The following CFAP299 variants were observed in gnomAD, a reference collection of about 807,000 sequenced individuals.
The protein encoded by CFAP299 is cilia- and flagella-associated protein 299.
Under a neutral mutation model 27.0 loss-of-function variants are expected in CFAP299, and 21 were observed. That is an observed-to-expected ratio of 0.78 (90% CI 0.55 to 1.12). The LOEUF is 1.12. Ranked by LOEUF, CFAP299 falls within the 50% of genes most tolerant of loss-of-function variation. CFAP299 has a pLI of 0.00. For missense variants in CFAP299, 310 were observed against 276.6 expected, an observed-to-expected ratio of 1.12 and a Z score of -0.86; for synonymous variants, 104 against 98.1, an observed-to-expected ratio of 1.06 and a Z score of -0.36.
chr4:80,824,174 T>A (rs529515114), intron 3 of CFAP299, among the ~76,000 whole-genome samples: 39 of 152,294 alleles, frequency 2.6e-4, no homozygotes, highest in Admixed American at 9.8e-4. Context: ...CAGATTGGTT[T>A]TGTATGAATA....
intron 2 of CFAP299, among the ~76,000 whole-genome samples, chr4:80,459,693 T>C (rs1729345406): frequency 6.6e-6 from 1 of 152,196 alleles, no homozygotes; most frequent in Admixed American, 6.5e-5. Flanking sequence ...AACTGATTTT[T>C]ACCATCAGCT....
intron 3 of CFAP299, among the ~76,000 whole-genome samples, chr4:80,663,689 T>G (rs973022032): frequency 1.1e-4 from 17 of 152,218 alleles, no homozygotes; most frequent in Admixed American, 1.0e-3. Context: ...GTTCTGGTTC[T>G]AGATCCTTGA....
At chr4:80,745,090 C>A (rs1342181525) in intron 3 of CFAP299, among the ~76,000 whole-genome samples, 4 of 150,840 alleles carry the variant, frequency 2.7e-5, no homozygotes, top group African/African-American at 4.9e-5. Flanking sequence ...GTTTCACACA[C>A]AAAAAATGAT....
At chr4:80,466,596 T>C (rs1334841328) in intron 2 of CFAP299, among the ~76,000 whole-genome samples, 1 of 152,190 alleles carries the variant, frequency 6.6e-6, no homozygotes, top group Non-Finnish European at 1.5e-5. Context: ...AAAATGGCCA[T>C]GGAAGCCTTC....
At position 80,799,814 on chromosome 4, in the gene CFAP299, T is replaced by TATATTTATATATTATATTATATA. The variant is rs1560417536; in HGVS notation, c.334-70175_334-70174insTTATATATTATATTATATAATAT. On this transcript the variant is annotated intron_variant, in intron 3 of 5. Coordinates refer to ENST00000358105, the MANE Select transcript of CFAP299 (RefSeq NM_152770.3). ...TATTATATTATATAATATATAAATA[T>TATATTTATATATTATATTATATA]ATATATTATATATATTTATATATTA... Among the ~76,000 whole-genome samples the TATATTTATATATTATATTATATA allele has an allele frequency of 1.7e-3, 65 of 38,932 alleles. 1 individual carries two copies. The highest frequency in any genetic ancestry group is 7.6e-3 in the African/African-American group (64 of 8,394). The allele number at this position is 38,932 out of a possible 152,430, so 25.5% of individuals were successfully genotyped here. A position where few individuals can be genotyped will look rare whatever the true frequency, so the allele number is the denominator to read the frequency against.
intron 2 of CFAP299, among the ~76,000 whole-genome samples, chr4:80,502,751 C>T (rs1335377294): frequency 6.6e-6 from 1 of 152,072 alleles, no homozygotes; most frequent in Non-Finnish European, 1.5e-5. Context: ...TCGTCCACTT[C>T]TTTGTCTTTC....
chr4:80,415,102 G>T lies in CFAP299; in HGVS notation c.242+52218G>T, dbSNP rs1009053724. ...CTCCTAACAGAAGTCTAGTGGTTTTGCAATAAATATTTGCTAAATTAAGTC... is the reference window on the plus strand; with the variant it reads ...CTCCTAACAGAAGTCTAGTGGTTTTTCAATAAATATTTGCTAAATTAAGTC... On this transcript the variant is annotated intron_variant, in intron 2 of 5. Coordinates refer to ENST00000358105, the MANE Select transcript of CFAP299 (RefSeq NM_152770.3). Among the ~76,000 whole-genome samples, 5 of 152,238 alleles carry T rather than the reference G, an allele frequency of 3.3e-5. No individual in the cohort carries two copies. In the South Asian group the frequency reaches 8.3e-4, roughly 25 times the overall value.
intron 4 of CFAP299, chr4:80,871,536 G>C: frequency 4.1e-6 from 4 of 985,382 alleles, no homozygotes; most frequent in Non-Finnish European, 4.8e-6. Flanking sequence ...CCTGAAGCCT[G>C]CTATTGCTTC....
At chr4:80,594,326 T>C (rs1485425231) in intron 3 of CFAP299, among the ~76,000 whole-genome samples, 3 of 152,134 alleles carry the variant, frequency 2.0e-5, no homozygotes, top group Admixed American at 2.0e-4. Context: ...TCAGATCTCA[T>C]GAGAACTCAC....
At chr4:80,531,497 TCAATTTG>T (rs1319602275) in intron 2 of CFAP299, among the ~76,000 whole-genome samples, 1 of 152,204 alleles carries the variant, frequency 6.6e-6, no homozygotes, top group Non-Finnish European at 1.5e-5. Flanking sequence ...GATATAATTT[TCAATTTG>T]CAATTATACT....
intron 2 of CFAP299, among the ~76,000 whole-genome samples, chr4:80,531,246 G>A (rs946910178): frequency 6.6e-6 from 1 of 152,044 alleles, no homozygotes; most frequent in Non-Finnish European, 1.5e-5. Flanking sequence ...GATTTTAAAT[G>A]CTAGTAAAAG....
intron 2 of CFAP299, among the ~76,000 whole-genome samples, chr4:80,572,100 A>G (rs1008026919): frequency 6.6e-6 from 1 of 152,128 alleles, no homozygotes; most frequent in Non-Finnish European, 1.5e-5. Flanking sequence ...AGTACATGAG[A>G]TATTTTGATA....
chr4:80,359,142 TG>T (rs1189836620), intron 1 of CFAP299, among the ~76,000 whole-genome samples: 2 of 152,154 alleles, frequency 1.3e-5, no homozygotes, highest in East Asian at 3.8e-4. Flanking sequence ...TGTTGAATAT[TG>T]GCCCCCAATC....
chr4:80,669,356 T>C (rs1741339106), intron 3 of CFAP299, among the ~76,000 whole-genome samples: 1 of 151,700 alleles, frequency 6.6e-6, no homozygotes, highest in Non-Finnish European at 1.5e-5. Flanking sequence ...TTTCACCATG[T>C]TGGCCAGGCT....
intron 4 of CFAP299, among the ~76,000 whole-genome samples, chr4:80,943,016 C>T (rs376263478): frequency 6.6e-6 from 1 of 152,178 alleles, no homozygotes; most frequent in East Asian, 1.9e-4. Context: ...GCAATCACTC[C>T]ACTGGGGGGC....
chr4:80,627,008 T>C (rs1905968), intron 3 of CFAP299, among the ~76,000 whole-genome samples: 13,730 of 151,434 alleles, frequency 0.091, 683 homozygotes, highest in Middle Eastern at 0.2. Flanking sequence ...ATTACCTTGA[T>C]ACCAACAAAC....
At chr4:80,744,143 A>G (rs1040919692) in intron 3 of CFAP299, among the ~76,000 whole-genome samples, 6 of 152,216 alleles carry the variant, frequency 3.9e-5, no homozygotes. Context: ...TAAAAAGATA[A>G]AAGAGAAAAG....
Position 80,427,074 on chromosome 4 carries a change from A to T in CFAP299, c.242+64190A>T, listed in dbSNP as rs151030852. On this transcript the variant is annotated intron_variant, in intron 2 of 5. Transcript: ENST00000358105. ...CATCAGTAAAATAATTTCCAACAAC[A>T]GATGCTTTGAGGAAAACGGGATATC... 1.2e-4 allele frequency among the ~76,000 whole-genome samples: 18 copies of T among 152,316 alleles called. No individual in the cohort carries two copies. The South Asian group carries it at 1.9e-3, about 16-fold the overall frequency.
intron 5 of CFAP299, among the ~76,000 whole-genome samples, chr4:80,952,289 T>C (rs1737820395): frequency 1.3e-5 from 2 of 152,146 alleles, no homozygotes; most frequent in African/African-American, 4.8e-5. Flanking sequence ...GGGCCAAAAA[T>C]AATTCTTAAA....
Sources: gnomAD v4.1 joint callset for allele counts (sites outside exome capture counted in the v4.1 genomes callset) on GRCh38, gnomAD v4.1.1 for gene constraint, MANE v1.5 for transcripts, NCBI Gene and HGNC (gene_info 2026-07-23, HGNC 2026-07-21) for gene names.